Variants in TRHDE observed in about 807,000 individuals in gnomAD.
TRHDE encodes the protein thyrotropin-releasing hormone-degrading ectoenzyme.
In TRHDE, 72 loss-of-function variants were observed where a neutral mutation model predicts 125.7. That is an observed-to-expected ratio of 0.57 (90% CI 0.47 to 0.70). The LOEUF is 0.70. Ranked by LOEUF, TRHDE falls within the 30% of genes least tolerant of loss-of-function variation. The pLI, the probability that TRHDE is intolerant of heterozygous loss-of-function variation, is 0.00. For missense variants in TRHDE, 1,110 were observed against 1,327.1 expected, an observed-to-expected ratio of 0.84 and a Z score of 2.54; for synonymous variants, 509 against 509.1, an observed-to-expected ratio of 1.00 and a Z score of 0.00.
chr12:72,430,556 T>C (rs1874433082), intron 3 of TRHDE, among the ~76,000 whole-genome samples: 1 of 151,352 alleles, frequency 6.6e-6, no homozygotes, highest in Non-Finnish European at 1.5e-5. Flanking sequence ...ACTGCATTCT[T>C]GTGAAAAAAT....
chr12:72,658,403 C>T (rs962642333), intron 18 of TRHDE, among the ~76,000 whole-genome samples: 1 of 151,676 alleles, frequency 6.6e-6, no homozygotes, highest in African/African-American at 2.4e-5. Context: ...AGAGCAAAAT[C>T]TCTCCCTCTT....
chr12:72,627,344 C>A (rs1393433131), intron 15 of TRHDE, among the ~76,000 whole-genome samples: 1 of 151,814 alleles, frequency 6.6e-6, no homozygotes, highest in African/African-American at 2.4e-5. Context: ...AATCATCTTC[C>A]TTCCTTCACC....
chr12:72,633,110 ATTAC>A (rs1213817692), intron 15 of TRHDE, among the ~76,000 whole-genome samples: 2 of 152,032 alleles, frequency 1.3e-5, no homozygotes, highest in African/African-American at 4.8e-5. Flanking sequence ...TTTCATATAT[ATTAC>A]TTAAACTTAG....
chr12:72,652,376 T>C lies in TRHDE; in HGVS notation c.2730T>C (p.Asp910=), dbSNP rs762422911. 6.2e-7 allele frequency: 1 copy of C among 1,606,662 alleles called. No homozygotes were observed. The highest frequency in any genetic ancestry group is 8.5e-7 in the Non-Finnish European group (1 of 1,176,100). The change falls in exon 16 of 19, where the codon GAT becomes GAC. Residue 910 remains aspartate (D), a synonymous_variant. Transcript: ENST00000261180. The part of the protein sequence containing the change: ...IVYCTGVSLL[D]EDVWEFIWMK... The stretch of plus-strand genomic sequence containing the variant: ...ACTGTACAGGAGTGTCACTACTGGA[T>C]GAGGATGTCTGGGAATTCATATGGA...
chr12:72,588,287 T>G (rs1257014301), intron 12 of TRHDE, among the ~76,000 whole-genome samples: 1 of 152,184 alleles, frequency 6.6e-6, no homozygotes, highest in Non-Finnish European at 1.5e-5. Flanking sequence ...AGGGAAGCCC[T>G]CATTTTCCAG....
chr12:72,451,318 G>A (rs1475892841), intron 3 of TRHDE, among the ~76,000 whole-genome samples: 2 of 151,964 alleles, frequency 1.3e-5, no homozygotes, highest in African/African-American at 4.8e-5. Flanking sequence ...ATGAGATCAG[G>A]GTCTAATTTC....
At position 72,567,254 on chromosome 12, in the gene TRHDE, A is replaced by G. The variant is rs571366811; in HGVS notation, c.2043-1314A>G. ...TATAAATTGTTTTATTACCAGACCG[A>G]TTGTATGGAGTCCTTATTAGTATAG... is the stretch of plus-strand genomic sequence containing the variant. On this transcript the variant is annotated intron_variant, in intron 9 of 18. Coordinates refer to ENST00000261180, the MANE Select transcript of TRHDE (RefSeq NM_013381.3). Among the ~76,000 whole-genome samples the G allele has an allele frequency of 7.2e-5, 11 of 152,044 alleles. No individual in the cohort carries two copies. The South Asian group carries it at 2.1e-3, about 29-fold the overall frequency.
chr12:72,451,443 G>A (rs1372588620), intron 3 of TRHDE, among the ~76,000 whole-genome samples: 1 of 152,182 alleles, frequency 6.6e-6, no homozygotes, highest in Non-Finnish European at 1.5e-5. Flanking sequence ...AAAAATGCAA[G>A]GATTTATTTC....
chr12:72,096,415 C>T lies in TRHDE; in HGVS notation n.174+8976C>T, dbSNP rs544183694. On this transcript the variant is annotated intron_variant and non_coding_transcript_variant, in intron 1 of 4. Transcript: ENST00000548156. The stretch of plus-strand genomic sequence containing the variant: ...TCAAGTTTGGGCAATTAGATTGTTT[C>T]TTCCTCAGTTATGGAGATTATTTCA... Among the ~76,000 whole-genome samples, 589 of 152,266 alleles carry T rather than the reference C, an allele frequency of 3.9e-3. 6 individuals carry two copies. Among genetic ancestry groups the T allele is most frequent in the Admixed American group, 0.011 (161 of 15,302 alleles).
chr12:72,157,880 A>G (rs1366697320), intron 2 of TRHDE, among the ~76,000 whole-genome samples: 1 of 152,162 alleles, frequency 6.6e-6, no homozygotes, highest in Non-Finnish European at 1.5e-5. Context: ...TTTAGCAGGG[A>G]AAAGAGAAGA....
intron 2 of TRHDE, among the ~76,000 whole-genome samples, chr12:72,267,000 T>G (rs1419316229): frequency 6.6e-6 from 1 of 152,120 alleles, no homozygotes; most frequent in Non-Finnish European, 1.5e-5. Context: ...ATTATTATTT[T>G]CATTAATTCT....
At chr12:72,246,417 A>G (rs1878577311) in intron 2 of TRHDE, among the ~76,000 whole-genome samples, 1 of 152,178 alleles carries the variant, frequency 6.6e-6, no homozygotes, top group Admixed American at 6.5e-5. Flanking sequence ...GGCCATATTT[A>G]TCTGTTCAGT....
intron 6 of TRHDE, among the ~76,000 whole-genome samples, chr12:72,527,626 A>G (rs983116627): frequency 6.6e-6 from 1 of 151,434 alleles, no homozygotes; most frequent in Non-Finnish European, 1.5e-5. Context: ...AGTCTGAGGG[A>G]GAGATTACGA....
intron 6 of TRHDE, 150 bp from the exon 7 acceptor site, chr12:72,542,141 A>T (rs747690529): frequency 2.9e-4 from 139 of 482,348 alleles, no homozygotes; most frequent in Non-Finnish European, 4.3e-4. Flanking sequence ...TGTTATCACT[A>T]AGTTGGATGT....
At chr12:72,515,897 G>C (rs1434772305) in intron 6 of TRHDE, among the ~76,000 whole-genome samples, 1 of 145,030 alleles carries the variant, frequency 6.9e-6, no homozygotes, top group African/African-American at 2.7e-5. Context: ...ATTAAATAGG[G>C]AATCCTTTCC....
At chr12:72,644,289 A>G (rs1301865806) in intron 15 of TRHDE, among the ~76,000 whole-genome samples, 2 of 151,682 alleles carry the variant, frequency 1.3e-5, no homozygotes, top group Non-Finnish European at 2.9e-5. Flanking sequence ...CCCAGGGGAG[A>G]AATGAGGTAG....
intron 2 of TRHDE, among the ~76,000 whole-genome samples, chr12:72,164,067 G>A (rs571140874): frequency 1.3e-3 from 194 of 152,232 alleles, no homozygotes; most frequent in African/African-American, 4.3e-3. Flanking sequence ...GCAGAGATCC[G>A]CCACTGCACT....
At position 72,520,327 on chromosome 12, in the gene TRHDE, G is replaced by A. The variant is rs372923725; in HGVS notation, c.1722+20692G>A. 3.2e-4 allele frequency among the ~76,000 whole-genome samples: 49 copies of A among 152,338 alleles called. 1 individual carries two copies. In the South Asian group the frequency reaches 7.7e-3, roughly 24 times the overall value. On this transcript the variant is annotated intron_variant, in intron 6 of 18. Coordinates refer to ENST00000261180, the MANE Select transcript of TRHDE (RefSeq NM_013381.3). ...GCGTAAGACCCTCCGAGCCAGGTGC[G>A]GGATATAATCTCGTGGTGCGCCATT...
At chr12:72,479,516 A>G (rs1274682711) in intron 5 of TRHDE, among the ~76,000 whole-genome samples, 1 of 152,036 alleles carries the variant, frequency 6.6e-6, no homozygotes, top group African/African-American at 2.4e-5. Context: ...ATATATTTCT[A>G]TCTACTCAGG....
Sources: allele counts gnomAD v4.1 joint callset (sites outside exome capture counted in the v4.1 genomes callset), GRCh38; gene constraint gnomAD v4.1.1; transcripts MANE v1.5; gene names NCBI Gene and HGNC (gene_info 2026-07-23, HGNC 2026-07-21).